PPP6R1: variants seen among roughly 807,000 people sequenced by gnomAD.
The protein encoded by PPP6R1 is serine/threonine-protein phosphatase 6 regulatory subunit 1.
Under a neutral mutation model 104.6 loss-of-function variants are expected in PPP6R1, and 39 were observed. The observed-to-expected ratio is 0.37, with a 90% CI of 0.29 to 0.49. The LOEUF (loss-of-function observed/expected upper bound fraction) is 0.49. Ranked by LOEUF, PPP6R1 falls within the 20% of genes least tolerant of loss-of-function variation. PPP6R1 has a pLI of 0.98. For synonymous variants in PPP6R1, 549 were observed against 479.0 expected, an observed-to-expected ratio of 1.15 and a Z score of -1.91; for missense variants, 1,181 against 1,155.8, an observed-to-expected ratio of 1.02 and a Z score of -0.32.
At chr19:55,228,408 G>A (rs1163069595), downstream of PPP6R1, 3 of 1,613,280 alleles carry the variant, frequency 1.9e-6, no homozygotes, top group Non-Finnish European at 2.5e-6. Flanking sequence ...AGAGGATGAA[G>A]GGGCTCAGCC....
intron 17 of PPP6R1, 140 bp from the exon 18 acceptor site, chr19:55,232,351 GGT>G: frequency 7.6e-7 from 1 of 1,312,154 alleles, no homozygotes; most frequent in Non-Finnish European, 1.0e-6. Context: ...GGGAGCCTGG[GGT>G]GTGACGACAC....
In PPP6R1 at chr19:55,241,543, C is replaced by T. The variant is rs759724641; in HGVS notation, c.942G>A (p.Val314=). 1 of 1,578,994 alleles carries T rather than the reference C, an allele frequency of 6.3e-7. No individual in the cohort carries two copies. ...QGALESTVSS[V]GALHALRPRL... ...GCGGGCGTAGGGCGTGCAAGGCGCC[C>T]ACACTGGACACAGTGCTTTCCAGGG... Residue 314 remains valine, a synonymous_variant, in exon 8 of 24, where the codon GTG becomes GTA. Transcript: ENST00000412770. This position sits in a 1 kb window ranked among gnomAD's most constrained non-coding sequence, Gnocchi z 5.4.
intron 10 of PPP6R1, among the ~76,000 whole-genome samples, chr19:55,240,536 CACACACACACACACACACACAT>C (rs1262933182): frequency 1.3e-5 from 2 of 151,788 alleles, no homozygotes; most frequent in African/African-American, 2.4e-5. Flanking sequence ...CACACACACA[CACACACACACACACACACACAT>C]GCATGCACTA....
At chr19:55,244,767 CAG>C (rs1466775636) in intron 5 of PPP6R1, among the ~76,000 whole-genome samples, 1 of 150,182 alleles carries the variant, frequency 6.7e-6, no homozygotes, top group Admixed American at 6.6e-5. Context: ...TTTTTTGAGA[CAG>C]GGTCTCACTG....
rs1257623735 is a variant in PPP6R1 at position 55,245,265 on chromosome 19, A to G, written c.552T>C (p.Asn184=). 2.5e-6 allele frequency: 4 copies of G among 1,597,098 alleles called. No individual in the cohort carries two copies. In the Middle Eastern group the frequency reaches 6.6e-4, roughly 265 times the overall value. Residue 184 remains asparagine, a splice_region_variant and synonymous_variant, in exon 4 of 24, where the codon AAT becomes AAC. Transcript: ENST00000412770. This position sits in a 1 kb window ranked among gnomAD's most constrained non-coding sequence, Gnocchi z 6.4. ...ERPQLRQDVV[N]WLNEEKIVQR... is the part of the protein sequence containing the mutation. ...CCCCAGAGGAGCCGGCCCTGCTCAC[A>G]TTGACAACATCCTGCCTCAGCTGAG... is the stretch of plus-strand genomic sequence containing the variant.
chr19:55,254,925 C>T (rs2087581177), intron 1 of PPP6R1, among the ~76,000 whole-genome samples: 1 of 152,220 alleles, frequency 6.6e-6, no homozygotes, highest in South Asian at 2.1e-4. Flanking sequence ...CTGGGCAGGA[C>T]CTACGGTGTG....
chr19:55,258,272 A>G (rs1326045177), intron 1 of PPP6R1, among the ~76,000 whole-genome samples, 163 bp downstream of exon 1: 2 of 152,046 alleles, frequency 1.3e-5, no homozygotes, highest in Non-Finnish European at 1.5e-5. Flanking sequence ...GGGGGAAGAA[A>G]CGGGGTGCCG....
intron 21 of PPP6R1, 200 bp from the exon 22 acceptor site, chr19:55,231,084 C>G (rs2087340603): frequency 1.6e-6 from 1 of 618,968 alleles, no homozygotes; most frequent in African/African-American, 1.8e-5. Context: ...ACCCCTCTTC[C>G]CGCCTCCTGT....
rs766996784 is a variant in PPP6R1, at chr19:55,236,746, C to T, written c.1885G>A (p.Glu629Lys). 1.2e-6 allele frequency: 2 copies of T among 1,613,986 alleles called. No homozygotes were observed. Among genetic ancestry groups the T allele is most frequent in the Admixed American group, 1.7e-5 (1 of 60,024 alleles). Residue 629 changes from glutamate (E) to lysine (K), a missense_variant, in exon 17 of 24, where the codon GAG becomes AAG. By Grantham distance (56) the Glu-to-Lys change is moderately conservative (BLOSUM62 1). Transcript: ENST00000412770. ...TCCCCTGAGCCCTGGGCCTCTTCCT[C>T]GTCCTCCTCTTCCTCATCATCATCA... ...QFDDDEEEEDEEEAQGSGESD... is the reference protein window; with the variant it reads ...QFDDDEEEEDKEEAQGSGESD...
intron 1 of PPP6R1, among the ~76,000 whole-genome samples, chr19:55,250,971 T>C (rs1167953468): frequency 6.6e-6 from 1 of 152,216 alleles, no homozygotes; most frequent in African/African-American, 2.4e-5. Flanking sequence ...CTACTTGCCC[T>C]GGCCAAGCTG....
intron 5 of PPP6R1, among the ~76,000 whole-genome samples, chr19:55,243,010 G>A (rs1479710343): frequency 6.6e-6 from 1 of 152,142 alleles, no homozygotes; most frequent in Non-Finnish European, 1.5e-5. Context: ...GAAGAGAAAG[G>A]GGAAGATCAG....
At chr19:55,247,423 G>A in intron 1 of PPP6R1, 2 of 388,416 alleles carry the variant, frequency 5.1e-6, no homozygotes, top group Non-Finnish European at 9.6e-6. Context: ...GAGGCCTCAG[G>A]CCTGGTGAAG....
chr19:55,258,377 G>A (rs968487085), intron 1 of PPP6R1, 58 bp downstream of exon 1: 6 of 152,254 alleles, frequency 3.9e-5, no homozygotes, highest in East Asian at 1.9e-4. Flanking sequence ...ACGCGGAGAG[G>A]GGAAGACGTG....
chr19:55,235,837 ATTCT>A (rs1260478276), intron 17 of PPP6R1, among the ~76,000 whole-genome samples: 5 of 102,570 alleles, frequency 4.9e-5, no homozygotes, highest in African/African-American at 3.7e-5. Flanking sequence ...TAATTTGTTG[ATTCT>A]TTTTTTTTTT....
intron 11 of PPP6R1, 55 bp downstream of exon 11, chr19:55,240,181 C>T (rs74774682): frequency 0.011 from 17,745 of 1,562,608 alleles, 388 homozygotes; most frequent in African/African-American, 0.087. Context: ...CCCAGCCCGG[C>T]CCCCCATCCA....
intron 1 of PPP6R1, among the ~76,000 whole-genome samples, chr19:55,258,226 C>T (rs1256758504): frequency 6.6e-6 from 1 of 152,002 alleles, no homozygotes; most frequent in Admixed American, 6.6e-5. Flanking sequence ...GGCGGCGGAG[C>T]TGAGGTGAAG....
Position 55,245,137 on chromosome 19 carries a change from G to A in PPP6R1, c.601C>T (p.Pro201Ser), listed in dbSNP as rs1344015508. Reference sequence around the variant, plus strand: ...GCACTCACATTCTCATCCTTCGACGGGTGGATCTGCTCAATCAGCCGCTGG... The same window carrying A: ...GCACTCACATTCTCATCCTTCGACGAGTGGATCTGCTCAATCAGCCGCTGG... ...IVQRLIEQIH[P>S]SKDENQHSNA... is the part of the protein sequence containing the mutation. The change falls in exon 5 of 24, where the codon CCG becomes TCG. Residue 201 changes from proline to serine, a missense_variant. By Grantham distance (74) the Pro-to-Ser change is moderately conservative. Around this residue, in one of 2 missense-constraint regions of PPP6R1, gnomAD observed 1,042 missense variants for 955.6 expected, o/e 1.09. Coordinates refer to ENST00000412770, the MANE Select transcript of PPP6R1 (RefSeq NM_014931.4). The surrounding 1 kb of genome is among the most constrained non-coding windows in gnomAD (Gnocchi z 6.4). The A allele has an allele frequency of 2.5e-6, 4 of 1,613,316 alleles. No homozygotes were observed. In the Admixed American group the frequency reaches 6.7e-5, roughly 27 times the overall value.
At chr19:55,252,081 GA>G (rs1473208227) in intron 1 of PPP6R1, among the ~76,000 whole-genome samples, 1 of 152,208 alleles carries the variant, frequency 6.6e-6, no homozygotes, top group African/African-American at 2.4e-5. Context: ...CATAGAGACA[GA>G]AAAGAGCTTA....
chr19:55,241,857 G>A lies in PPP6R1; in HGVS notation c.846-218C>T, dbSNP rs1026931077. ...AGTCCACTGTGAGAGCACGGGTGAG[G>A]GGTGGAGGCGGGAAGGCAAACCCAA... On this transcript the variant is annotated intron_variant, in intron 7 of 23. Transcript: ENST00000412770. This position sits in a 1 kb window ranked among gnomAD's most constrained non-coding sequence, Gnocchi z 5.4. Among the ~76,000 whole-genome samples the A allele has an allele frequency of 5.3e-5, 8 of 152,352 alleles. No homozygotes were observed. The highest frequency in any genetic ancestry group is 1.0e-4 in the Non-Finnish European group (7 of 68,030).
Sources: gnomAD v4.1 joint callset for allele counts (sites outside exome capture counted in the v4.1 genomes callset) on GRCh38, gnomAD v4.1.1 for gene constraint, gnomAD v4.1.1 regional missense constraint, Gnocchi (gnomAD v3.1) non-coding constraint, MANE v1.5 for transcripts, NCBI Gene and HGNC (gene_info 2026-07-23, HGNC 2026-07-21) for gene names.